The following PABPC4 variants were observed in gnomAD, a reference collection of about 807,000 sequenced individuals.
PABPC4 encodes poly(A) binding protein cytoplasmic 4, also known as polyadenylate-binding protein 4.
In PABPC4, 15 loss-of-function variants were observed where a neutral mutation model predicts 74.5. The observed-to-expected ratio is 0.20, with a 90% confidence interval of 0.13 to 0.31. The LOEUF is 0.31. PABPC4 is among the 10% of genes least tolerant of loss of function. The probability of loss-of-function intolerance (pLI) is 1.00; values close to 1 mark genes in which losing one functional copy is unlikely to be tolerated. For synonymous variants in PABPC4, 345 were observed against 303.0 expected (o/e 1.14, Z -1.44); for missense variants, 610 against 853.5 (o/e 0.71, Z 3.55).
At chr1:39,563,992 A>G (rs1175175765) in intron 10 of PABPC4, 70 bp from the exon 11 acceptor site, 16 of 1,443,506 alleles carry the variant, frequency 1.1e-5, no homozygotes, top group Non-Finnish European at 1.6e-5. Context: ...CCACGGAAGG[A>G]GAAATTTCAA....
intron 15 of PABPC4, 188 bp from the exon 16 acceptor site, chr1:39,561,310 C>T: frequency 2.9e-6 from 1 of 339,510 alleles, no homozygotes. Flanking sequence ...CTGGTCTTTA[C>T]CACTAGATGA....
At chr1:39,572,685 A>G in intron 1 of PABPC4, 99 bp from the exon 2 acceptor site, 1 of 859,740 alleles carries the variant, frequency 1.2e-6, no homozygotes, top group East Asian at 2.5e-5. Context: ...CAAGGTAATC[A>G]CTCTTGATAA....
rs773182596 is a variant in PABPC4 at position 39,562,076 on chromosome 1, G to A, written c.1890C>T (p.Ser630=). The change falls in exon 14 of 16, where the codon TCC becomes TCT. Residue 630 remains serine, a synonymous_variant. Coordinates refer to ENST00000372858, the MANE Select transcript of PABPC4 (RefSeq NM_001135653.2). ...HMLESPESLR[S]KVDEAVAVLQ... ...CAGGGTCTGAGCCCCAGCTCACCTT[G>A]GAGCGGAGAGACTCGGGGGACTCTA... 7 of 1,612,556 alleles carry A rather than the reference G, an allele frequency of 4.3e-6. No individual in the cohort carries two copies. The highest frequency in any genetic ancestry group is 1.3e-5 in the African/African-American group (1 of 74,872).
chr1:39,563,481 A>G (rs752345339), intron 12 of PABPC4, 133 bp downstream of exon 12: 277 of 1,165,416 alleles, frequency 2.4e-4, no homozygotes, highest in Admixed American at 4.7e-4. Context: ...GGGCAGGGAC[A>G]GTGAATCAGA....
In PABPC4 at chr1:39,568,683, G is replaced by A. The variant is rs919714348; in HGVS notation, c.876+119C>T. ...ATCCTTTTAAACCTCATCTTTTTAG[G>A]TAAAATGGGAAGAAGAACACACTCC... On this transcript the variant is annotated intron_variant, in intron 6 of 15. Coordinates refer to ENST00000372858, the MANE Select transcript of PABPC4 (RefSeq NM_001135653.2). 1.8e-5 allele frequency: 16 copies of A among 906,274 alleles called. No homozygotes were observed. The Admixed American group carries it at 3.8e-4, about 21-fold the overall frequency. 56.1% of individuals were successfully genotyped at this position (906,274 alleles called of 1,614,324 possible).
At chr1:39,565,450 C>G in intron 7 of PABPC4, 72 bp from the exon 8 acceptor site, 1 of 1,502,070 alleles carries the variant, frequency 6.7e-7, no homozygotes, top group East Asian at 2.3e-5. Flanking sequence ...GCCTGTAATC[C>G]CAGCACTTTG....
chr1:39,567,936 G>A (rs968382131), intron 6 of PABPC4, 90 bp from the exon 7 acceptor site: 1 of 696,804 alleles, frequency 1.4e-6, no homozygotes, highest in African/African-American at 1.8e-5. Context: ...CAGACCAGGA[G>A]CACCAGCATC....
chr1:39,561,975 G>A, intron 14 of PABPC4, 98 bp downstream of exon 14: 3 of 1,406,086 alleles, frequency 2.1e-6, no homozygotes, highest in Non-Finnish European at 3.0e-6. Flanking sequence ...GGTCCTGGGG[G>A]CAGCAGATCC....
chr1:39,571,632 TAATCCCAATGCTTTGGGAG>T (rs1645941397), intron 2 of PABPC4: 1 of 525,678 alleles, frequency 1.9e-6, no homozygotes, highest in Admixed American at 2.6e-5. Flanking sequence ...CTCATGCCTG[TAATCCCAATGCTTTGGGAG>T]GCCAAAGCAG....
Position 39,560,879 on chromosome 1 carries a change from T to C in PABPC4, c.*257A>G, listed in dbSNP as rs544176054. 1.4e-3 allele frequency: 284 copies of C among 204,746 alleles called. 1 individual carries two copies. The highest frequency in any genetic ancestry group is 2.1e-3 in the Non-Finnish European group (205 of 95,898). The allele number at this position is 204,746 out of a possible 1,614,324, so 12.7% of individuals were successfully genotyped here. ...ACTTGGGTACATCAAATAAAACCAA[T>C]TTCTGGGGGAAAAAATCAAAACCCA... On this transcript the variant is annotated 3_prime_UTR_variant, in exon 16 of 16. Transcript: ENST00000372858.
chr1:39,567,104 C>T (rs1380375316), intron 7 of PABPC4, among the ~76,000 whole-genome samples: 1 of 152,188 alleles, frequency 6.6e-6, no homozygotes, highest in Non-Finnish European at 1.5e-5. Flanking sequence ...AGTTTCCATC[C>T]TGCTCCCAAA....
chr1:39,561,547 C>T (rs1570367826), intron 15 of PABPC4, 138 bp downstream of exon 15: 3 of 645,192 alleles, frequency 4.6e-6, no homozygotes, highest in Non-Finnish European at 5.5e-6. Context: ...ACCTGCAACA[C>T]ACTCCGTGTA....
At chr1:39,562,253 T>C (rs1645777741) in intron 13 of PABPC4, 50 bp from the exon 14 acceptor site, 2 of 1,612,110 alleles carry the variant, frequency 1.2e-6, no homozygotes, top group African/African-American at 1.3e-5. Flanking sequence ...CAGTAAACAA[T>C]GGACACTGGT....
chr1:39,568,716 C>A, intron 6 of PABPC4, 86 bp downstream of exon 6: 1 of 1,353,560 alleles, frequency 7.4e-7, no homozygotes, highest in Non-Finnish European at 1.0e-6. Context: ...TCCAAGTCCT[C>A]AAAAAGAAAG....
chr1:39,574,083 T>C (rs890487797), intron 1 of PABPC4, among the ~76,000 whole-genome samples: 1 of 152,108 alleles, frequency 6.6e-6, no homozygotes, highest in Non-Finnish European at 1.5e-5. Flanking sequence ...ACTCTGCCGC[T>C]CCACAAGCTC....
intron 1 of PABPC4, among the ~76,000 whole-genome samples, chr1:39,575,173 G>C (rs1394104254): frequency 6.6e-6 from 1 of 152,198 alleles, no homozygotes; most frequent in Non-Finnish European, 1.5e-5. Context: ...CAAACACACA[G>C]ACCAAGGAGG....
intron 7 of PABPC4, chr1:39,567,267 G>T (rs545162615): frequency 5.0e-6 from 2 of 403,994 alleles, no homozygotes; most frequent in Non-Finnish European, 4.9e-6. Flanking sequence ...TGCACACTAC[G>T]AAACATAGAA....
chr1:39,573,000 A>C (rs531572785), intron 1 of PABPC4: 1 of 161,486 alleles, frequency 6.2e-6, no homozygotes, highest in Non-Finnish European at 1.3e-5. Context: ...AAAATGAACA[A>C]ACTTATGTTT....
At chr1:39,565,514 C>T in intron 7 of PABPC4, 136 bp from the exon 8 acceptor site, 1 of 827,724 alleles carries the variant, frequency 1.2e-6, no homozygotes, top group Non-Finnish European at 1.9e-6. Flanking sequence ...CCAGCTTGAG[C>T]AATGTAGTGA....
Sources: allele counts gnomAD v4.1 joint callset (sites outside exome capture counted in the v4.1 genomes callset), GRCh38; gene constraint gnomAD v4.1.1; transcripts MANE v1.5; gene names NCBI Gene and HGNC (gene_info 2026-07-23, HGNC 2026-07-21).